C20orf96: variants seen among roughly 807,000 people sequenced by gnomAD.
The protein encoded by C20orf96 is uncharacterized protein C20orf96.
Under a neutral mutation model 52.6 loss-of-function variants are expected in C20orf96, and 57 were observed. The ratio of observed to expected loss-of-function variants is 1.08; its 90% CI spans 0.88 to 1.35. The LOEUF is 1.35. C20orf96 is among the 40% of genes most tolerant of loss of function. The pLI, the probability that C20orf96 is intolerant of heterozygous loss-of-function variation, is 0.00. For missense variants in C20orf96, 478 were observed against 443.6 expected, an observed-to-expected ratio of 1.08 and a Z score of -0.70; for synonymous variants, 168 against 157.2, an observed-to-expected ratio of 1.07 and a Z score of -0.51.
chr20:285,989 A>T (rs75043033), intron 3 of C20orf96, among the ~76,000 whole-genome samples: 2,948 of 152,340 alleles, frequency 0.019, 81 homozygotes, highest in African/African-American at 0.066. Context: ...ATACGTTAAA[A>T]TTTAAGATGT....
At chr20:273,903 AAGGG>A (rs1171376663) in intron 10 of C20orf96, among the ~76,000 whole-genome samples, 1,395 of 43,896 alleles carry the variant, frequency 0.032, 38 homozygotes, top group Middle Eastern at 0.051. Context: ...GAAAGGAAGG[AAGGG>A]AGGGAGGGAG....
intron 4 of C20orf96, among the ~76,000 whole-genome samples, chr20:280,749 G>A (rs1391049949): frequency 2.0e-5 from 3 of 152,220 alleles, no homozygotes; most frequent in Non-Finnish European, 4.4e-5. Context: ...TCCCAGCTCA[G>A]CCACTTACCA....
chr20:279,091 G>A (rs1475521010), intron 5 of C20orf96, 81 bp downstream of exon 5: 8 of 941,212 alleles, frequency 8.5e-6, no homozygotes, highest in Non-Finnish European at 1.1e-5. Context: ...ACGGAGGGCG[G>A]GACGGAGGGA....
In C20orf96 at chr20:290,284, G is replaced by T; in HGVS notation, c.44C>A (p.Ser15Tyr). Residue 15 changes from serine (S) to tyrosine (Y), a missense_variant, in exon 2 of 11, where the codon TCC becomes TAC. By Grantham distance (144) the Ser-to-Tyr change is moderately radical. Transcript: ENST00000360321. Reference sequence around the variant, plus strand: ...CGGAACCTGGAACTCCTGGACTATGGAGTGAGTCCCAGAGTGCTTGGGTCT... The same window carrying T: ...CGGAACCTGGAACTCCTGGACTATGTAGTGAGTCCCAGAGTGCTTGGGTCT... ...LQKPKHSGTH[S>Y]IVQEFQVPDY... The T allele has an allele frequency of 1.2e-6, 2 of 1,612,936 alleles. No homozygotes were observed. Among genetic ancestry groups the T allele is most frequent in the Non-Finnish European group, 1.7e-6 (2 of 1,179,480 alleles).
In C20orf96 at chr20:274,802, TTTTC is replaced by T. The variant is rs373581903; in HGVS notation, c.1031+1162_1031+1165del. On this transcript the variant is annotated intron_variant, in intron 10 of 10. Transcript: ENST00000360321. ...TTGCTGTCCTAACAGTTGCTTTCTT[TTTTC>T]TTTTTTTTTTAATTAAAAAAAAATT... 1.0e-3 allele frequency among the ~76,000 whole-genome samples: 155 copies of T among 149,098 alleles called. No individual in the cohort carries two copies. In the East Asian group the frequency reaches 0.024, roughly 23 times the overall value.
chr20:271,702 T>C (rs2011845933), intron 10 of C20orf96, among the ~76,000 whole-genome samples: 1 of 152,152 alleles, frequency 6.6e-6, no homozygotes, highest in South Asian at 2.1e-4. Context: ...AGTTGGCACT[T>C]AAGTGAAAAG....
At chr20:278,682 G>C (rs1258183923) in intron 5 of C20orf96, among the ~76,000 whole-genome samples, 1 of 151,106 alleles carries the variant, frequency 6.6e-6, no homozygotes, top group African/African-American at 2.4e-5. Context: ...TGTCGCACCG[G>C]TACAGTATGT....
intron 10 of C20orf96, 142 bp from the exon 11 acceptor site, chr20:271,409 G>C (rs1253569002): frequency 1.6e-6 from 1 of 615,890 alleles, no homozygotes; most frequent in Non-Finnish European, 2.9e-6. Flanking sequence ...TGATCTATCT[G>C]TGACCTCAAA....
At chr20:281,532 C>T (rs1413255397) in intron 4 of C20orf96, among the ~76,000 whole-genome samples, 1 of 152,250 alleles carries the variant, frequency 6.6e-6, no homozygotes, top group Non-Finnish European at 1.5e-5. Context: ...TCCTAGCCCT[C>T]AGCTCCTTTA....
In C20orf96 at chr20:290,290, G is replaced by A. The variant is rs561439438; in HGVS notation, c.38C>T (p.Thr13Ile). The A allele has an allele frequency of 6.8e-6, 11 of 1,612,956 alleles. No homozygotes were observed. In the South Asian group the frequency reaches 1.1e-4, roughly 16 times the overall value. The stretch of plus-strand genomic sequence containing the variant: ...CTGGAACTCCTGGACTATGGAGTGA[G>A]TCCCAGAGTGCTTGGGTCTGGAAAG... The part of the protein sequence containing the change: ...HVLQKPKHSG[T>I]HSIVQEFQVP... The change falls in exon 2 of 11, where the codon ACT becomes ATT. Residue 13 changes from threonine (T) to isoleucine (I), a missense_variant. Thr to Ile is a moderately conservative substitution (Grantham distance 89). Transcript: ENST00000360321.
rs757571940 is a variant in C20orf96, at chr20:279,294, G to C, written c.343C>G (p.Leu115Val). Reference sequence around the variant, plus strand: ...CTGAGGAAGTTCTCACGGCTTCGGAGCTCTCGCAGAGCGGCCCTCCCGCTC... The same window carrying C: ...CTGAGGAAGTTCTCACGGCTTCGGACCTCTCGCAGAGCGGCCCTCCCGCTC... ...LRSGRAALRE[L>V]RSRENFLSKL... is the part of the protein sequence containing the mutation. The change falls in exon 5 of 11, where the codon CTC (leucine) becomes GTC (valine). Residue 115 changes from leucine (L) to valine (V), a missense_variant. Leu to Val is a conservative substitution (Grantham distance 32). Coordinates refer to ENST00000360321, the MANE Select transcript of C20orf96 (RefSeq NM_153269.3). The C allele has an allele frequency of 6.2e-6, 10 of 1,608,986 alleles. No individual in the cohort carries two copies. The highest frequency in any genetic ancestry group is 1.1e-5 in the South Asian group (1 of 91,048).
intron 4 of C20orf96, 88 bp downstream of exon 4, chr20:283,875 A>G: frequency 1.1e-6 from 1 of 900,240 alleles, no homozygotes; most frequent in Non-Finnish European, 1.8e-6. Flanking sequence ...CAAGTCTGGC[A>G]CCCACAAAGT....
At chr20:289,298 C>T (rs944666712) in intron 3 of C20orf96, among the ~76,000 whole-genome samples, 1 of 151,964 alleles carries the variant, frequency 6.6e-6, no homozygotes, top group African/African-American at 2.4e-5. Context: ...GACTTCAAGA[C>T]CTTACAAAAT....
rs532860330 is a variant in C20orf96 at position 287,944 on chromosome 20, C to T, written c.187+1615G>A. ...AAAAAAAAAAAAGTCTTTCACAGAA[C>T]AAAATTTTTAATTTTGATGCAGTCC... is the stretch of plus-strand genomic sequence containing the variant. On this transcript the variant is annotated intron_variant, in intron 3 of 10. Coordinates refer to ENST00000360321, the MANE Select transcript of C20orf96 (RefSeq NM_153269.3). Among the ~76,000 whole-genome samples, 416 of 103,556 alleles carry T rather than the reference C, an allele frequency of 4.0e-3. 2 individuals carry two copies. The highest frequency in any genetic ancestry group is 6.3e-3 in the Non-Finnish European group (301 of 47,948). The allele number at this position is 103,556 out of a possible 152,430, so 67.9% of individuals were successfully genotyped here.
chr20:284,771 C>T (rs1211234074), intron 3 of C20orf96, among the ~76,000 whole-genome samples: 1 of 152,192 alleles, frequency 6.6e-6, no homozygotes, highest in Non-Finnish European at 1.5e-5. Flanking sequence ...GCAAGAGAAT[C>T]GTTTGAACTC....
intron 3 of C20orf96, among the ~76,000 whole-genome samples, chr20:287,834 G>T (rs565901252): frequency 2.6e-4 from 38 of 147,222 alleles, no homozygotes; most frequent in African/African-American, 9.3e-4. Flanking sequence ...GCTTGAACCC[G>T]GGAGACAGAG....
rs746279889 is a variant in C20orf96, at chr20:277,080, C to G, written c.789G>C (p.Gln263His). 3.7e-6 allele frequency: 6 copies of G among 1,613,884 alleles called. No individual in the cohort carries two copies. In the East Asian group the frequency reaches 1.3e-4, roughly 36 times the overall value. ...KVLESLSDKI[Q>H]KKKKKILSSV... The stretch of plus-strand genomic sequence containing the variant: ...AACTCAGAATTTTTTTCTTCTTCTT[C>G]TGAATCTTGTCAGACAAGGATTCCA... The change falls in exon 8 of 11, where the codon CAG becomes CAC. Residue 263 changes from glutamine (Q) to histidine (H), a missense_variant. Physicochemically the swap from Gln to His is conservative, Grantham distance 24 (BLOSUM62 0). Transcript: ENST00000360321.
chr20:273,278 C>A (rs1236308871), intron 10 of C20orf96, among the ~76,000 whole-genome samples: 1 of 152,162 alleles, frequency 6.6e-6, no homozygotes, highest in Non-Finnish European at 1.5e-5. Context: ...CCCAGCCCAC[C>A]ATGCTCTTTT....
In C20orf96 at chr20:283,952, G is replaced by A. The variant is rs374257031; in HGVS notation, c.306+11C>T. On this transcript the variant is annotated intron_variant, in intron 4 of 10. Coordinates refer to ENST00000360321, the MANE Select transcript of C20orf96 (RefSeq NM_153269.3). Reference sequence around the variant, plus strand: ...CCTGGGCCCAGTGTCCAGGGAAGATGTGCCTCATACCTTCATTAACCAGAT... The same window carrying A: ...CCTGGGCCCAGTGTCCAGGGAAGATATGCCTCATACCTTCATTAACCAGAT... The A allele has an allele frequency of 2.8e-5, 44 of 1,578,352 alleles. No homozygotes were observed. The South Asian group carries it at 3.7e-4, about 13-fold the overall frequency.
Sources: allele counts gnomAD v4.1 joint callset (sites outside exome capture counted in the v4.1 genomes callset), GRCh38; gene constraint gnomAD v4.1.1; transcripts MANE v1.5; gene names NCBI Gene and HGNC (gene_info 2026-07-23, HGNC 2026-07-21).